ACBD5: variants seen among roughly 807,000 people sequenced by gnomAD.
ACBD5 encodes acyl-CoA-binding domain-containing protein 5.
A neutral mutation model predicts 71.8 loss-of-function variants in ACBD5; 40 were observed. The ratio of observed to expected loss-of-function variants is 0.56; its 90% CI spans 0.43 to 0.72. The LOEUF (loss-of-function observed/expected upper bound fraction) is 0.72. ACBD5 is among the 30% of genes least tolerant of loss of function. The pLI, the probability that ACBD5 is intolerant of heterozygous loss-of-function variation, is 0.00. For synonymous variants in ACBD5, 229 were observed against 218.6 expected, an observed-to-expected ratio of 1.05 and a Z score of -0.42; for missense variants, 559 against 644.5, an observed-to-expected ratio of 0.87 and a Z score of 1.44.
chr10:27,198,527 C>T (rs1161519958), intron 12 of ACBD5, among the ~76,000 whole-genome samples: 1 of 152,172 alleles, frequency 6.6e-6, no homozygotes, highest in Non-Finnish European at 1.5e-5. Context: ...CATTCCTTAT[C>T]CTCTGCAGAA....
intron 12 of ACBD5, among the ~76,000 whole-genome samples, chr10:27,202,969 C>CTAT (rs2060079543): frequency 1.4e-5 from 1 of 70,766 alleles, no homozygotes; most frequent in African/African-American, 6.0e-5. Context: ...TCTATATCCT[C>CTAT]TTTTTTTTTT....
chr10:27,183,623 T>C (rs2058457513), intron 13 of ACBD5, among the ~76,000 whole-genome samples: 1 of 152,174 alleles, frequency 6.6e-6, no homozygotes, highest in Non-Finnish European at 1.5e-5. Context: ...AATGCATTTC[T>C]TTATCAAGTA....
chr10:27,203,617 T>C (rs1045630384), intron 12 of ACBD5, among the ~76,000 whole-genome samples: 11 of 152,170 alleles, frequency 7.2e-5, no homozygotes, highest in Non-Finnish European at 4.4e-5. Flanking sequence ...CACATGCCTG[T>C]AATCCCAGCT....
chr10:27,234,215 T>C lies in ACBD5; in HGVS notation c.302+877A>G, dbSNP rs146644085. On this transcript the variant is annotated intron_variant, in intron 3 of 12. Transcript: ENST00000396271. ...GGATGAGTACAGGTACCTGTATCTA[T>C]AATTCTTTTAGTTTATAGTTTATAA... Among the ~76,000 whole-genome samples the C allele has an allele frequency of 4.0e-3, 605 of 152,338 alleles. 2 individuals are homozygous for C. The highest frequency in any genetic ancestry group is 0.013 in the African/African-American group (521 of 41,584).
At chr10:27,232,542 G>C (rs2064029844) in intron 3 of ACBD5, among the ~76,000 whole-genome samples, 1 of 151,948 alleles carries the variant, frequency 6.6e-6, no homozygotes, top group Non-Finnish European at 1.5e-5. Flanking sequence ...TGGCCAGGTT[G>C]GTCTCGAACT....
At chr10:27,224,181 C>T (rs967428003) in intron 4 of ACBD5, among the ~76,000 whole-genome samples, 2 of 140,264 alleles carry the variant, frequency 1.4e-5, no homozygotes, top group Admixed American at 7.4e-5. Context: ...GCCTGGGCAA[C>T]ATAGTAAGGG....
rs1293467100 is a variant in ACBD5, at chr10:27,195,839, T to C, written c.*1591A>G. The C allele has an allele frequency of 2.2e-6, 1 of 446,166 alleles. No homozygotes were observed. Among genetic ancestry groups the C allele is most frequent in the East Asian group, 7.0e-5 (1 of 14,330 alleles). The allele number at this position is 446,166 out of a possible 1,614,324, so 27.6% of individuals were successfully genotyped here. A position where few individuals can be genotyped will look rare whatever the true frequency, so the allele number is the denominator to read the frequency against. On this transcript the variant is annotated 3_prime_UTR_variant, in exon 13 of 13. Transcript: ENST00000396271. ...CATTCTGTATACTAAAGACAGATTA[T>C]TTCTTATTTAAAACACTGTGAACAT...
chr10:27,220,857 T>C (rs2062247119), intron 5 of ACBD5, among the ~76,000 whole-genome samples: 1 of 152,138 alleles, frequency 6.6e-6, no homozygotes, highest in African/African-American at 2.4e-5. Flanking sequence ...TGGACCTAAA[T>C]GGCTACTTTT....
intron 2 of ACBD5, among the ~76,000 whole-genome samples, chr10:27,237,621 C>CTTTT (rs60724833): frequency 0.5 from 66,349 of 133,016 alleles, 18,949 homozygotes; most frequent in Non-Finnish European, 0.65. Flanking sequence ...GATAGGATAT[C>CTTTT]TTTTTTTTTT....
At position 27,208,369 on chromosome 10, in the gene ACBD5, G is replaced by T; in HGVS notation, c.1281C>A (p.Gly427=). 1 of 1,614,140 alleles carries T rather than the reference G, an allele frequency of 6.2e-7. No individual in the cohort carries two copies. The highest frequency in any genetic ancestry group is 1.7e-4 in the Middle Eastern group (1 of 6,054). The change falls in exon 10 of 13, where the codon GGC becomes GGA. Residue 427 remains glycine, a synonymous_variant. Transcript: ENST00000396271. ...VGSGGDGERW[G]SDRGSRGSLN... ...GGCTGCCTCGGGACCCTCTGTCGGA[G>T]CCCCAGCGCTCCCCATCACCTCCAC...
rs1030363731 is a variant in ACBD5 at position 27,240,550 on chromosome 10, G to C, written c.16-66C>G. ...AGGAGGAGGCCCGGGAGCGAAGCGG[G>C]TCAGTTCCCCTTTGCCCTGCCCTAT... On this transcript the variant is annotated intron_variant, in intron 1 of 12. Coordinates refer to ENST00000396271, the MANE Select transcript of ACBD5 (RefSeq NM_145698.5). The surrounding 1 kb of genome is among the most constrained non-coding windows in gnomAD (Gnocchi z 4.1). 53 of 1,551,026 alleles carry C rather than the reference G, an allele frequency of 3.4e-5. No individual in the cohort carries two copies. Among genetic ancestry groups the C allele is most frequent in the African/African-American group, 4.1e-5 (3 of 73,072 alleles).
upstream of ACBD5, among the ~76,000 whole-genome samples, chr10:27,241,183 T>A (rs551707771): frequency 1.3e-5 from 2 of 152,198 alleles, no homozygotes; most frequent in African/African-American, 4.8e-5. Flanking sequence ...GCCTGCACTC[T>A]CCTAAGTTAA....
chr10:27,197,574 C>T (rs1564543555), intron 12 of ACBD5, 132 bp from the exon 13 acceptor site: 2 of 699,602 alleles, frequency 2.9e-6, no homozygotes, highest in Non-Finnish European at 4.9e-6. Context: ...TATAGAACTA[C>T]ATCATATGAC....
upstream of ACBD5, chr10:27,240,852 GCGC>G (rs771181649): frequency 7.2e-5 from 78 of 1,081,286 alleles, 1 homozygote; most frequent in South Asian, 9.5e-4. This position sits in a 1 kb window ranked among gnomAD's most constrained non-coding sequence, Gnocchi z 4.1. Context: ...GGACCCACTG[GCGC>G]CGCCGCCGCC....
At chr10:27,186,457 C>G in intron 13 of ACBD5, 1 of 1,613,774 alleles carries the variant, frequency 6.2e-7, no homozygotes, top group Non-Finnish European at 8.5e-7. Context: ...ATCCCCCAGC[C>G]AGATGATGAA....
intron 4 of ACBD5, among the ~76,000 whole-genome samples, chr10:27,227,704 C>T (rs1376395021): frequency 1.3e-5 from 2 of 151,912 alleles, no homozygotes; most frequent in Non-Finnish European, 2.9e-5. Flanking sequence ...CAGGTTCCAT[C>T]TTTATTTATT....
At chr10:27,190,435 T>C (rs2136346171), downstream of ACBD5, among the ~76,000 whole-genome samples, 1 of 152,354 alleles carries the variant, frequency 6.6e-6, no homozygotes, top group Admixed American at 6.5e-5. Flanking sequence ...AGGTGTTTAA[T>C]AAAATGATAA....
downstream of ACBD5, among the ~76,000 whole-genome samples, chr10:27,191,435 G>T (rs1012777837): frequency 9.9e-5 from 15 of 152,110 alleles, no homozygotes; most frequent in African/African-American, 3.6e-4. Context: ...CCATGGTAAT[G>T]ATATGTCCAT....
chr10:27,210,930 T>C lies in ACBD5; in HGVS notation c.1088A>G (p.Glu363Gly). The stretch of plus-strand genomic sequence containing the variant: ...TCCATGCTTGACTTCACCTTTTCCT[T>C]CAACTGCAACCACCTGCATATTCCC... ...NIGNMQVVAV[E>G]GKGEVKHGGE... Residue 363 changes from glutamate (E) to glycine (G), a missense_variant, in exon 9 of 13, where the codon GAA (glutamate) becomes GGA (glycine). Coordinates refer to ENST00000396271, the MANE Select transcript of ACBD5 (RefSeq NM_145698.5). 1 of 1,614,206 alleles carries C rather than the reference T, an allele frequency of 6.2e-7. No homozygotes were observed. Among genetic ancestry groups the C allele is most frequent in the East Asian group, 2.2e-5 (1 of 44,892 alleles).
Sources: allele counts gnomAD v4.1 joint callset (sites outside exome capture counted in the v4.1 genomes callset), GRCh38; gene constraint gnomAD v4.1.1; non-coding constraint Gnocchi (gnomAD v3.1); transcripts MANE v1.5; gene names NCBI Gene and HGNC (gene_info 2026-07-23, HGNC 2026-07-21).